Variants in PDE4DIP observed in about 807,000 individuals in gnomAD.
PDE4DIP encodes the protein myomegalin.
A neutral mutation model predicts 221.4 loss-of-function variants in PDE4DIP; 59 were observed. That is an observed-to-expected ratio of 0.27 (90% CI 0.22 to 0.33). The LOEUF (loss-of-function observed/expected upper bound fraction) is 0.33. Among genes scored for constraint, PDE4DIP ranks in the 10% least tolerant of loss-of-function variants. The pLI is 1.00. For missense variants in PDE4DIP, 1,036 were observed against 2,154.2 expected (o/e 0.48, Z 10.28); for synonymous variants, 404 against 815.9 (o/e 0.50, Z 8.60).
At chr1:148,992,649 T>G in intron 22 of PDE4DIP, 1 of 1,106,854 alleles carries the variant, frequency 9.0e-7, no homozygotes, top group Non-Finnish European at 1.1e-6. Context: ...AGAGATTAAG[T>G]CACCAATAGT....
chr1:148,893,083 G>A (rs6672899), intron 1 of PDE4DIP, among the ~76,000 whole-genome samples: 2 of 121,564 alleles, frequency 1.6e-5, no homozygotes, highest in Admixed American at 1.6e-4. Flanking sequence ...GTGTGTGTGT[G>A]TGTGTGTGTG....
At chr1:148,992,345 G>A in intron 22 of PDE4DIP, 1 of 1,567,266 alleles carries the variant, frequency 6.4e-7, no homozygotes, top group East Asian at 2.3e-5. Flanking sequence ...AAGACAGGGA[G>A]TCATCGAAGG....
chr1:149,021,877 A>T (rs1553619910), intron 37 of PDE4DIP: 3 of 142,300 alleles, frequency 2.1e-5, no homozygotes. Flanking sequence ...ATAATCTAAT[A>T]TTTGAGAATT....
intron 9 of PDE4DIP, among the ~76,000 whole-genome samples, chr1:148,963,643 A>G (rs2057448506): frequency 6.6e-6 from 1 of 151,798 alleles, no homozygotes; most frequent in Admixed American, 6.6e-5. Context: ...GAGGAATGAC[A>G]TGCATAATAA....
chr1:148,820,795 A>C (rs1192926489), intron 1 of PDE4DIP, among the ~76,000 whole-genome samples: 1 of 147,870 alleles, frequency 6.8e-6, no homozygotes, highest in East Asian at 2.0e-4. Flanking sequence ...TCCCGAGCTA[A>C]ATGATAATCT....
chr1:148,964,371 G>A (rs1273632659), intron 9 of PDE4DIP, among the ~76,000 whole-genome samples: 2 of 152,110 alleles, frequency 1.3e-5, no homozygotes, highest in Non-Finnish European at 2.9e-5. Context: ...GCCTTCCAAA[G>A]TGGTGAGATT....
chr1:148,917,399 TTTTTA>T (rs587624383), intron 1 of PDE4DIP, among the ~76,000 whole-genome samples: 2,834 of 145,964 alleles, frequency 0.019, 2 homozygotes, highest in Non-Finnish European at 0.028. Flanking sequence ...TGGATTTTGT[TTTTTA>T]TTTTATTTTT....
At chr1:149,016,728 G>T (rs1553611673) in intron 33 of PDE4DIP, among the ~76,000 whole-genome samples, 178 bp downstream of exon 36, 1 of 151,706 alleles carries the variant, frequency 6.6e-6, no homozygotes, top group African/African-American at 2.4e-5. Flanking sequence ...TCATTCTCCT[G>T]CCCAGGGCCT....
At chr1:148,822,366 G>A (rs1333178031) in intron 1 of PDE4DIP, among the ~76,000 whole-genome samples, 2 of 116,464 alleles carry the variant, frequency 1.7e-5, no homozygotes, top group African/African-American at 6.1e-5. Flanking sequence ...GCAGGCCAGC[G>A]AGCATTACCC....
intron 1 of PDE4DIP, among the ~76,000 whole-genome samples, chr1:148,827,857 TAAA>T (rs1245829650): frequency 2.5e-5 from 1 of 40,392 alleles, no homozygotes; most frequent in Non-Finnish European, 5.5e-5. Context: ...GCTGGAAAGT[TAAA>T]AAAATCAGTG....
At chr1:149,016,199 G>A (rs2070488370) in intron 32 of PDE4DIP, 100 bp from the exon 36 acceptor site, 2 of 653,938 alleles carry the variant, frequency 3.1e-6, no homozygotes, top group South Asian at 1.9e-5. Flanking sequence ...CATTCCACAT[G>A]TCTCCTTTTA....
chr1:149,013,945 A>G (rs1306941347), intron 32 of PDE4DIP, among the ~76,000 whole-genome samples: 1 of 151,540 alleles, frequency 6.6e-6, no homozygotes, highest in Non-Finnish European at 1.5e-5. Context: ...GTGTCACCAC[A>G]CCTGGCTAAT....
At chr1:148,985,066 TTTTA>T (rs1553547965) in intron 21 of PDE4DIP, 6 of 152,254 alleles carry the variant, frequency 3.9e-5, no homozygotes, top group African/African-American at 1.4e-4. Context: ...GAGTTTTCCA[TTTTA>T]CCTTGTAGAA....
intron 1 of PDE4DIP, among the ~76,000 whole-genome samples, chr1:148,892,192 AC>A (rs1366583519): frequency 8.4e-6 from 1 of 119,660 alleles, no homozygotes; most frequent in African/African-American, 3.6e-5. Context: ...GCGGGGTTTT[AC>A]CATGTTGGCC....
chr1:148,941,406 A>AT (rs1553479696), intron 5 of PDE4DIP, among the ~76,000 whole-genome samples: 1 of 123,188 alleles, frequency 8.1e-6, no homozygotes, highest in Non-Finnish European at 1.7e-5. Flanking sequence ...GAATGATAAA[A>AT]TATATAGCTG....
chr1:148,940,471 C>A (rs1553478847), intron 5 of PDE4DIP, among the ~76,000 whole-genome samples: 1 of 151,526 alleles, frequency 6.6e-6, no homozygotes, highest in Non-Finnish European at 1.5e-5. Context: ...TGTTTCCTAC[C>A]CTTTTTCATA....
At chr1:148,954,017 T>C in intron 5 of PDE4DIP, 3 of 700,890 alleles carry the variant, frequency 4.3e-6, no homozygotes. Context: ...AGAAAATTAG[T>C]CATGACCCCA....
chr1:148,934,253 A>G (rs1286676922), intron 4 of PDE4DIP, among the ~76,000 whole-genome samples: 1 of 152,140 alleles, frequency 6.6e-6, no homozygotes, highest in East Asian at 1.9e-4. Context: ...TCAGTATGGT[A>G]CTGTATTTGC....
At chr1:148,958,039 A>G (rs1412386108) in intron 5 of PDE4DIP, among the ~76,000 whole-genome samples, 4 of 148,646 alleles carry the variant, frequency 2.7e-5, no homozygotes, top group Non-Finnish European at 5.9e-5. Context: ...AATCATTGTA[A>G]ACATCTATTA....
Sources: gnomAD v4.1 joint callset for allele counts (sites outside exome capture counted in the v4.1 genomes callset) on GRCh38, gnomAD v4.1.1 for gene constraint, MANE v1.5 for transcripts, NCBI Gene and HGNC (gene_info 2026-07-23, HGNC 2026-07-21) for gene names.